Variants in SH3PXD2B observed in about 807,000 individuals in gnomAD.
SH3PXD2B encodes SH3 and PX domains 2B.
SH3PXD2B carries 37 observed loss-of-function variants against 73.1 expected under a neutral mutation model. The ratio of observed to expected loss-of-function variants is 0.51; its 90% CI spans 0.39 to 0.67. The LOEUF (loss-of-function observed/expected upper bound fraction) is 0.67, where lower values mean the gene tolerates loss of function less well. Among genes scored for constraint, SH3PXD2B ranks in the 30% least tolerant of loss-of-function variants. The pLI, the probability that SH3PXD2B is intolerant of heterozygous loss-of-function variation, is 0.00. For missense variants in SH3PXD2B, 1,053 were observed against 1,197.8 expected (o/e 0.88, Z 1.78); for synonymous variants, 457 against 480.5 (o/e 0.95, Z 0.64).
At chr5:172,366,103 C>T (rs1757514455) in intron 6 of SH3PXD2B, among the ~76,000 whole-genome samples, 1 of 152,206 alleles carries the variant, frequency 6.6e-6, no homozygotes. Flanking sequence ...GAGACATGCC[C>T]ACGTCTTCCA....
At chr5:172,349,842 C>T (rs557530516) in intron 10 of SH3PXD2B, among the ~76,000 whole-genome samples, 23 of 152,134 alleles carry the variant, frequency 1.5e-4, no homozygotes, top group East Asian at 5.8e-4. Flanking sequence ...GGGAAAGCAA[C>T]GCCTCCCCTT....
At chr5:172,347,005 C>T (rs1298768584) in intron 11 of SH3PXD2B, among the ~76,000 whole-genome samples, 1 of 152,180 alleles carries the variant, frequency 6.6e-6, no homozygotes, top group Non-Finnish European at 1.5e-5. Flanking sequence ...GAAGACTGAT[C>T]TAAGACCAAG....
At chr5:172,383,883 T>C (rs1275124592) in intron 4 of SH3PXD2B, among the ~76,000 whole-genome samples, 1 of 151,560 alleles carries the variant, frequency 6.6e-6, no homozygotes, top group Non-Finnish European at 1.5e-5. Flanking sequence ...AGTCTTGCTC[T>C]GTCACCAGGC....
At chr5:172,414,483 A>G (rs1056724387) in intron 2 of SH3PXD2B, among the ~76,000 whole-genome samples, 10 of 148,532 alleles carry the variant, frequency 6.7e-5, no homozygotes, top group African/African-American at 2.5e-4. Context: ...AAAAAAAAAA[A>G]GAAGGGGATG....
At chr5:172,435,830 GACA>G (rs3057118) in intron 1 of SH3PXD2B, among the ~76,000 whole-genome samples, 49,012 of 151,956 alleles carry the variant, frequency 0.32, 8,671 homozygotes, top group Non-Finnish European at 0.42. Flanking sequence ...GGTGACTGAA[GACA>G]ACATCTCAAG....
chr5:172,424,887 AC>A (rs1430998623), intron 1 of SH3PXD2B, among the ~76,000 whole-genome samples: 2 of 152,118 alleles, frequency 1.3e-5, no homozygotes, highest in African/African-American at 4.8e-5. Context: ...AAACCTCAGC[AC>A]CTTGCTCTCA....
intron 1 of SH3PXD2B, 86 bp from the exon 2 acceptor site, chr5:172,422,582 G>T: frequency 2.3e-6 from 3 of 1,305,350 alleles, no homozygotes; most frequent in South Asian, 1.3e-5. Flanking sequence ...AAGACTCAGA[G>T]TCAGAAAGAC....
chr5:172,430,246 C>T (rs934945922), intron 1 of SH3PXD2B, among the ~76,000 whole-genome samples: 2 of 152,246 alleles, frequency 1.3e-5, no homozygotes, highest in African/African-American at 4.8e-5. Context: ...CCTGCTCCTT[C>T]TCCCTACAAA....
chr5:172,409,841 C>T (rs764820737), intron 2 of SH3PXD2B, among the ~76,000 whole-genome samples: 10 of 152,110 alleles, frequency 6.6e-5, no homozygotes, highest in Admixed American at 4.6e-4. Flanking sequence ...TCAGCCTCCC[C>T]GGTAGCTGAG....
At chr5:172,329,084 T>TTA (rs1561884497), downstream of SH3PXD2B, among the ~76,000 whole-genome samples, 1 of 53,358 alleles carries the variant, frequency 1.9e-5, no homozygotes, top group African/African-American at 7.6e-5. Context: ...TATATATATA[T>TTA]TTTTTTTTTT....
At chr5:172,422,695 G>A (rs1401245836) in intron 1 of SH3PXD2B, among the ~76,000 whole-genome samples, 199 bp from the exon 2 acceptor site, 6 of 152,224 alleles carry the variant, frequency 3.9e-5, no homozygotes, top group Non-Finnish European at 8.8e-5. Context: ...CCCCAACAGA[G>A]TTGTGCAAAG....
chr5:172,427,059 C>A (rs1352160985), intron 1 of SH3PXD2B, among the ~76,000 whole-genome samples: 3 of 152,268 alleles, frequency 2.0e-5, no homozygotes, highest in East Asian at 3.9e-4. Context: ...CTCACAGTGG[C>A]AGTATTCACA....
At chr5:172,325,269 G>A (rs1395216667) in exon 13 of SH3PXD2B, 41 of 1,529,590 alleles carry the variant, frequency 2.7e-5, no homozygotes, top group Non-Finnish European at 3.4e-5. Context: ...AGGACATGAC[G>A]TGGTTCTCAC....
intron 1 of SH3PXD2B, among the ~76,000 whole-genome samples, chr5:172,423,407 C>G (rs1759017734): frequency 6.6e-6 from 1 of 152,140 alleles, no homozygotes; most frequent in Admixed American, 6.5e-5. Flanking sequence ...CTGTTAGAAG[C>G]CCTGGGGTTT....
Position 172,354,246 on chromosome 5 carries a change from A to C in SH3PXD2B, c.668-241T>G, listed in dbSNP as rs73321647. Among the ~76,000 whole-genome samples, 1,562 of 152,240 alleles carry C rather than the reference A, an allele frequency of 0.01. 23 individuals are homozygous for C. Among genetic ancestry groups the C allele is most frequent in the African/African-American group, 0.035 (1,444 of 41,512 alleles). On this transcript the variant is annotated intron_variant, in intron 8 of 12. Transcript: ENST00000311601. ...CCACACACTCAGCCTCACCTGCTTCAATCTGTGCTTCGAGTTCACCTTCCT... is the reference window on the plus strand; with the variant it reads ...CCACACACTCAGCCTCACCTGCTTCCATCTGTGCTTCGAGTTCACCTTCCT...
rs138268295 is a variant in SH3PXD2B, at chr5:172,338,163, A to G, written c.*206T>C. The G allele has an allele frequency of 3.0e-4, 430 of 1,453,502 alleles. 1 individual carries two copies. In the African/African-American group the frequency reaches 5.0e-3, roughly 17 times the overall value. 90.0% of individuals were successfully genotyped at this position (1,453,502 alleles called of 1,614,324 possible). On this transcript the variant is annotated 3_prime_UTR_variant, in exon 13 of 13. Transcript: ENST00000311601. The surrounding 1 kb of genome is among the most constrained non-coding windows in gnomAD (Gnocchi z 5.1). ...CAAAGGCTGTGGGTTCTGAGCCTCC[A>G]GTGATGCTGTGATAGGAGGGATCAG... is the stretch of plus-strand genomic sequence containing the variant.
chr5:172,373,141 G>A lies in SH3PXD2B; in HGVS notation c.427+649C>T, dbSNP rs539347390. ...GAGAATGGCAATAGGGACGGGAGTC[G>A]CTTGACGCTGCATCTGTCATTGCCC... is the stretch of plus-strand genomic sequence containing the variant. On this transcript the variant is annotated intron_variant, in intron 6 of 12. Coordinates refer to ENST00000311601, the MANE Select transcript of SH3PXD2B (RefSeq NM_001017995.3). Among the ~76,000 whole-genome samples, 4 of 152,318 alleles carry A rather than the reference G, an allele frequency of 2.6e-5. No individual in the cohort carries two copies. The East Asian group carries it at 5.8e-4, about 22-fold the overall frequency.
intron 1 of SH3PXD2B, among the ~76,000 whole-genome samples, chr5:172,431,714 C>T (rs536455563): frequency 2.1e-4 from 32 of 151,838 alleles, no homozygotes; most frequent in Admixed American, 1.6e-3. Context: ...AGCTGATGCT[C>T]ATTGTTTGCG....
At chr5:172,414,191 G>A (rs1031363729) in intron 2 of SH3PXD2B, among the ~76,000 whole-genome samples, 3 of 152,322 alleles carry the variant, frequency 2.0e-5, no homozygotes, top group Admixed American at 6.5e-5. Context: ...GGTCAAGGCC[G>A]GGCGCAGTGG....
Sources: gnomAD v4.1 joint callset for allele counts (sites outside exome capture counted in the v4.1 genomes callset) on GRCh38, gnomAD v4.1.1 for gene constraint, Gnocchi (gnomAD v3.1) non-coding constraint, MANE v1.5 for transcripts, NCBI Gene and HGNC (gene_info 2026-07-23, HGNC 2026-07-21) for gene names.